LANCL1: variants seen among roughly 807,000 people sequenced by gnomAD.
The protein encoded by LANCL1 is LanC like glutathione S-transferase 1, also known as glutathione S-transferase LANCL1.
LANCL1 carries 50 observed loss-of-function variants against 50.6 expected under a neutral mutation model. That is an observed-to-expected ratio of 0.99 (90% CI 0.79 to 1.25). LANCL1 has a LOEUF of 1.25. Among genes scored for constraint, LANCL1 ranks in the 50% most tolerant of loss-of-function variants. LANCL1 has a pLI of 0.00. For missense variants in LANCL1, 532 were observed against 480.7 expected, an observed-to-expected ratio of 1.11 and a Z score of -1.00; for synonymous variants, 188 against 178.6, an observed-to-expected ratio of 1.05 and a Z score of -0.42.
chr2:210,461,518 T>C (rs148705654), intron 3 of LANCL1, among the ~76,000 whole-genome samples: 1 of 152,306 alleles, frequency 6.6e-6, no homozygotes, highest in East Asian at 1.9e-4. Flanking sequence ...TCAAAGGCTA[T>C]ACATTTGGTA....
intron 4 of LANCL1, among the ~76,000 whole-genome samples, chr2:210,451,151 A>G (rs1390339814): frequency 1.3e-5 from 2 of 152,232 alleles, no homozygotes; most frequent in Non-Finnish European, 2.9e-5. Context: ...ATGCAGCCAT[A>G]AAAAAGGATG....
rs1378466324 is a variant in LANCL1, at chr2:210,437,943, C to A, written c.691-71G>T. ...CTTCCTAGGTCTCAGTATATTTAAA[C>A]CAGAAAAAAAGCATGGCTAAGGGGA... is the stretch of plus-strand genomic sequence containing the variant. On this transcript the variant is annotated intron_variant, in intron 6 of 9. Transcript: ENST00000450366. 11 of 1,134,248 alleles carry A rather than the reference C, an allele frequency of 9.7e-6. No homozygotes were observed. The African/African-American group carries it at 1.1e-4, about 11-fold the overall frequency. 70.3% of individuals were successfully genotyped at this position (1,134,248 alleles called of 1,614,324 possible). A position where few individuals can be genotyped will look rare whatever the true frequency, so the allele number is the denominator to read the frequency against.
chr2:210,470,340 C>T (rs1052750448), intron 3 of LANCL1, among the ~76,000 whole-genome samples: 1 of 151,964 alleles, frequency 6.6e-6, no homozygotes, highest in Non-Finnish European at 1.5e-5. Context: ...ATTATCTAGT[C>T]CAGTCTTATT....
intron 3 of LANCL1, among the ~76,000 whole-genome samples, chr2:210,469,912 T>C (rs1694174956): frequency 1.3e-5 from 2 of 152,014 alleles, no homozygotes; most frequent in African/African-American, 4.8e-5. Flanking sequence ...TACATGTGAA[T>C]GGCCAATTTA....
chr2:210,441,197 C>T (rs567321709), intron 5 of LANCL1, 111 bp downstream of exon 5: 3 of 1,099,564 alleles, frequency 2.7e-6, no homozygotes, highest in African/African-American at 3.1e-5. Flanking sequence ...GGTCCAGATA[C>T]ACCTTCCTTT....
upstream of LANCL1, chr2:210,476,869 C>A (rs931891114): frequency 1.0e-6 from 1 of 961,920 alleles, no homozygotes; most frequent in Non-Finnish European, 1.2e-6. Context: ...TAAAGGATAA[C>A]GCAGGGTATT....
chr2:210,435,580 G>C (rs1692899802), intron 8 of LANCL1, 121 bp from the exon 9 acceptor site: 1 of 740,104 alleles, frequency 1.4e-6, no homozygotes, highest in African/African-American at 1.7e-5. Context: ...ATCAGAGAAA[G>C]GAGATTAATG....
At chr2:210,446,543 AAT>A (rs1431780418) in intron 4 of LANCL1, among the ~76,000 whole-genome samples, 1 of 152,140 alleles carries the variant, frequency 6.6e-6, no homozygotes, top group Non-Finnish European at 1.5e-5. Flanking sequence ...GAAGGTGGGT[AAT>A]AACAAACTCC....
At chr2:210,436,600 T>A (rs1036070853) in intron 7 of LANCL1, among the ~76,000 whole-genome samples, 1 of 152,210 alleles carries the variant, frequency 6.6e-6, no homozygotes, top group African/African-American at 2.4e-5. Flanking sequence ...GACTTTGGCA[T>A]GTACAGTCTA....
At chr2:210,454,521 G>A (rs1693607251) in intron 4 of LANCL1, among the ~76,000 whole-genome samples, 4 of 152,160 alleles carry the variant, frequency 2.6e-5, no homozygotes, top group Admixed American at 2.6e-4. Flanking sequence ...ACGCGCAGTG[G>A]AGCCTAAGAG....
chr2:210,465,469 CA>C (rs1367555335), intron 3 of LANCL1, among the ~76,000 whole-genome samples: 6 of 152,160 alleles, frequency 3.9e-5, no homozygotes, highest in African/African-American at 1.4e-4. Context: ...ATGAATCCAG[CA>C]TAAGGACCAC....
chr2:210,455,635 ATTC>A (rs1377956888), intron 3 of LANCL1, among the ~76,000 whole-genome samples: 1 of 152,170 alleles, frequency 6.6e-6, no homozygotes, highest in Non-Finnish European at 1.5e-5. Context: ...GTGTTAATGT[ATTC>A]TTCTTGATGT....
chr2:210,440,624 C>G lies in LANCL1; in HGVS notation c.664G>C (p.Ala222Pro). 1 of 1,612,642 alleles carries G rather than the reference C, an allele frequency of 6.2e-7. No homozygotes were observed. Among genetic ancestry groups the G allele is most frequent in the Non-Finnish European group, 8.5e-7 (1 of 1,179,574 alleles). Residue 222 changes from alanine (A) to proline (P), a missense_variant, in exon 6 of 10, where the codon GCT becomes CCT. Coordinates refer to ENST00000450366, the MANE Select transcript of LANCL1 (RefSeq NM_006055.3). Reference sequence around the variant, plus strand: ...TGCATCAGGTAGTAATAAATTCCAGCCAGGCCATGAGCAGCCCCTACATAA... The same window carrying G: ...TGCATCAGGTAGTAATAAATTCCAGGCAGGCCATGAGCAGCCCCTACATAA... The part of the protein sequence containing the change: ...EYYVGAAHGL[A>P]GIYYYLMQPS...
chr2:210,446,552 C>A (rs1176604463), intron 4 of LANCL1, among the ~76,000 whole-genome samples: 2 of 152,024 alleles, frequency 1.3e-5, no homozygotes, highest in Non-Finnish European at 2.9e-5. Flanking sequence ...TAATAACAAA[C>A]TCCCCTGAGC....
chr2:210,467,751 AAACACATGAATG>A (rs1157238512), intron 3 of LANCL1, among the ~76,000 whole-genome samples: 1 of 152,232 alleles, frequency 6.6e-6, no homozygotes, highest in East Asian at 1.9e-4. Context: ...ATCTAACATT[AAACACATGAATG>A]TGTCATCTCT....
At chr2:210,475,558 C>T (rs148729028) in intron 2 of LANCL1, among the ~76,000 whole-genome samples, 13 of 152,246 alleles carry the variant, frequency 8.5e-5, no homozygotes, top group African/African-American at 3.1e-4. Flanking sequence ...GTCTCAAACT[C>T]GTGGCCTTAA....
chr2:210,434,630 TC>T, intron 9 of LANCL1, 67 bp from the exon 10 acceptor site: 1 of 1,271,642 alleles, frequency 7.9e-7, no homozygotes, highest in Non-Finnish European at 1.1e-6. Context: ...TGGTTCTTTT[TC>T]CCCCATATCT....
intron 2 of LANCL1, among the ~76,000 whole-genome samples, chr2:210,473,219 T>A (rs1011536886): frequency 6.6e-6 from 1 of 152,028 alleles, no homozygotes; most frequent in African/African-American, 2.4e-5. Context: ...CTACTAAAAA[T>A]ACAAAATTAG....
At chr2:210,471,506 C>CCCTGTATGGATT (rs925047000) in intron 3 of LANCL1, 2 of 451,994 alleles carry the variant, frequency 4.4e-6, no homozygotes, top group East Asian at 7.0e-5. Flanking sequence ...TAATACTTTA[C>CCCTGTATGGATT]CCTGTATGGA....
Sources: allele counts gnomAD v4.1 joint callset (sites outside exome capture counted in the v4.1 genomes callset), GRCh38; gene constraint gnomAD v4.1.1; transcripts MANE v1.5; gene names NCBI Gene and HGNC (gene_info 2026-07-23, HGNC 2026-07-21).